Variants in DNM1 observed in about 807,000 individuals in gnomAD.
DNM1 encodes dynamin 1.
DNM1 carries 29 observed loss-of-function variants against 104.6 expected under a neutral mutation model. That is an observed-to-expected ratio of 0.28 (90% CI 0.21 to 0.38). DNM1 has a LOEUF of 0.38. Ranked by LOEUF, DNM1 falls within the 10% of genes least tolerant of loss-of-function variation. DNM1 has a pLI of 1.00. For missense variants in DNM1, 640 were observed against 1,189.4 expected, an observed-to-expected ratio of 0.54 and a Z score of 6.79; for synonymous variants, 445 against 475.8, an observed-to-expected ratio of 0.94 and a Z score of 0.84.
At chr9:128,252,747 T>C (rs1330156009) in intron 21 of DNM1, 31 of 565,830 alleles carry the variant, frequency 5.5e-5, no homozygotes, top group South Asian at 2.0e-4. Context: ...GGTGATCCTC[T>C]AAGCACACCA....
Position 128,203,594 on chromosome 9 carries a change from G to T in DNM1, c.124G>T (p.Ala42Ser), listed in dbSNP as rs770857641. 1.3e-6 allele frequency: 2 copies of T among 1,550,310 alleles called. No individual in the cohort carries two copies. The highest frequency in any genetic ancestry group is 1.7e-6 in the Non-Finnish European group (2 of 1,152,862). The change falls in exon 1 of 22, where the codon GCC (alanine) becomes TCC (serine). Residue 42 changes from alanine (A) to serine (S), a missense_variant. Ala to Ser is a moderately conservative substitution (Grantham distance 99, BLOSUM62 1). This residue lies in a region of DNM1 where 172 missense variants were observed against 335.3 expected (regional missense o/e 0.51). Coordinates refer to ENST00000372923, the MANE Select transcript of DNM1 (RefSeq NM_004408.4). The surrounding 1 kb of genome is among the most constrained non-coding windows in gnomAD (Gnocchi z 5.3). ...GATCGCTGTGGTGGGCGGCCAGAGC[G>T]CCGGCAAGAGCTCGGTGCTCGAGAA... ...PQIAVVGGQS[A>S]GKSSVLENFV...
chr9:128,231,911 A>C, intron 10 of DNM1: 1 of 429,408 alleles, frequency 2.3e-6, no homozygotes, highest in South Asian at 1.6e-5. Context: ...TGTGTCCCTG[A>C]CTGCTAACCC....
At chr9:128,226,945 C>T (rs1057298977) in intron 10 of DNM1, among the ~76,000 whole-genome samples, 2 of 150,876 alleles carry the variant, frequency 1.3e-5, no homozygotes, top group Non-Finnish European at 2.9e-5. Flanking sequence ...CTTCCCTATG[C>T]TGGTGGGTGG....
chr9:128,246,555 T>C, intron 16 of DNM1, 52 bp downstream of exon 16: 1 of 1,381,654 alleles, frequency 7.2e-7, no homozygotes, highest in Non-Finnish European at 1.0e-6. Flanking sequence ...CCACCCTCAC[T>C]GAGTAGAAGC....
intron 19 of DNM1, among the ~76,000 whole-genome samples, chr9:128,249,756 G>A (rs1203532305): frequency 6.6e-6 from 1 of 151,958 alleles, no homozygotes; most frequent in Non-Finnish European, 1.5e-5. Flanking sequence ...AGCCCAGGAG[G>A]TTGAGGCTAC....
intron 11 of DNM1, among the ~76,000 whole-genome samples, chr9:128,237,215 T>G (rs907545653): frequency 6.6e-6 from 1 of 151,916 alleles, no homozygotes; most frequent in African/African-American, 2.4e-5. Flanking sequence ...TGTTCACATT[T>G]AATCGTTTGC....
Position 128,222,909 on chromosome 9 carries a change from C to A in DNM1, c.1196+49C>A. The A allele has an allele frequency of 6.3e-7, 1 of 1,575,514 alleles. No homozygotes were observed. The highest frequency in any genetic ancestry group is 1.1e-5 in the South Asian group (1 of 90,186). ...TGGCTGAACCCCAGAAGTAGGGGGTCTGGGACAGAGGCACAGGGAGTGATG... is the reference window on the plus strand; with the variant it reads ...TGGCTGAACCCCAGAAGTAGGGGGTATGGGACAGAGGCACAGGGAGTGATG... On this transcript the variant is annotated intron_variant, in intron 9 of 21. Coordinates refer to ENST00000372923, the MANE Select transcript of DNM1 (RefSeq NM_004408.4). This position sits in a 1 kb window ranked among gnomAD's most constrained non-coding sequence, Gnocchi z 7.8.
intron 11 of DNM1, among the ~76,000 whole-genome samples, chr9:128,239,182 A>G (rs1447055378): frequency 6.6e-6 from 1 of 151,782 alleles, no homozygotes; most frequent in Non-Finnish European, 1.5e-5. Context: ...ATTTTTTGGT[A>G]GAGACAGGTC....
chr9:128,220,730 C>T lies in DNM1; in HGVS notation c.849+389C>T, dbSNP rs1226138215. On this transcript the variant is annotated intron_variant, in intron 6 of 21. Transcript: ENST00000372923. The surrounding 1 kb of genome is among the most constrained non-coding windows in gnomAD (Gnocchi z 5.2). The stretch of plus-strand genomic sequence containing the variant: ...GAATGGGGCATCCAGAACTGAAGTG[C>T]GCGCGCGCGCGCGTGTGTGTGTGTG... Among the ~76,000 whole-genome samples the T allele has an allele frequency of 1.3e-5, 1 of 78,338 alleles. No homozygotes were observed. The highest frequency in any genetic ancestry group is 2.3e-5 in the Non-Finnish European group (1 of 43,098). 51.4% of individuals were successfully genotyped at this position (78,338 alleles called of 152,430 possible).
chr9:128,253,769 C>T lies in DNM1; in HGVS notation c.2535-885C>T. 4.7e-6 allele frequency: 2 copies of T among 428,662 alleles called. No individual in the cohort carries two copies. The highest frequency in any genetic ancestry group is 3.8e-6 in the Non-Finnish European group (1 of 261,860). The allele number at this position is 428,662 out of a possible 1,614,324, so 26.6% of individuals were successfully genotyped here. A position where few individuals can be genotyped will look rare whatever the true frequency, so the allele number is the denominator to read the frequency against. On this transcript the variant is annotated intron_variant, in intron 21 of 21. Coordinates refer to ENST00000372923, the MANE Select transcript of DNM1 (RefSeq NM_004408.4). This position sits in a 1 kb window ranked among gnomAD's most constrained non-coding sequence, Gnocchi z 5.9. The stretch of plus-strand genomic sequence containing the variant: ...AGGCCAGGCAGGGACACACAGCCCC[C>T]TTCCCTCCCTCCCAGGTACCGTCAT...
intron 1 of DNM1, among the ~76,000 whole-genome samples, chr9:128,217,679 A>T (rs1247850129): frequency 1.3e-5 from 2 of 152,110 alleles, no homozygotes; most frequent in Non-Finnish European, 2.9e-5. Context: ...CAGCCTCCAA[A>T]GTGCTGGGAT....
At position 128,250,930 on chromosome 9, in the gene DNM1, G is replaced by A; in HGVS notation, c.2524G>A (p.Gly842Arg). ...VPSRPNRAPP[G>R]VPSRSGQASP... ...CTCGCGCCCCAACCGCGCCCCGCCC[G>A]GGGTCCCCAGGTGAGTAGGGGCTGA... is the stretch of plus-strand genomic sequence containing the variant. The change falls in exon 21 of 22, where the codon GGG becomes AGG. Residue 842 changes from glycine (G) to arginine (R), a missense_variant. Physicochemically the swap from Gly to Arg is moderately radical, Grantham distance 125. This residue lies in a region of DNM1 where 37 missense variants were observed against 35.6 expected (regional missense o/e 1.04). Coordinates refer to ENST00000372923, the MANE Select transcript of DNM1 (RefSeq NM_004408.4). 7.3e-7 allele frequency: 1 copy of A among 1,368,272 alleles called. No individual in the cohort carries two copies. The highest frequency in any genetic ancestry group is 9.5e-7 in the Non-Finnish European group (1 of 1,057,568). The allele number at this position is 1,368,272 out of a possible 1,614,324, so 84.8% of individuals were successfully genotyped here.
At chr9:128,246,881 G>A (rs1281408855) in intron 16 of DNM1, 2 of 278,972 alleles carry the variant, frequency 7.2e-6, no homozygotes, top group Non-Finnish European at 1.4e-5. Context: ...GCCAGGCACT[G>A]GAGCCAAAGG....
intron 21 of DNM1, chr9:128,252,636 G>C (rs1319647291): frequency 1.3e-4 from 54 of 415,660 alleles, no homozygotes; most frequent in Middle Eastern, 1.6e-3. Flanking sequence ...TTGACTTGTT[G>C]GGGCTCAATG....
In DNM1 at chr9:128,243,010, C is replaced by T. The variant is rs192099074; in HGVS notation, c.1671+665C>T. 1.3e-5 allele frequency among the ~76,000 whole-genome samples: 2 copies of T among 152,266 alleles called. No individual in the cohort carries two copies. The highest frequency in any genetic ancestry group is 2.9e-5 in the Non-Finnish European group (2 of 67,998). On this transcript the variant is annotated intron_variant, in intron 15 of 21. Transcript: ENST00000372923. The surrounding 1 kb of genome is among the most constrained non-coding windows in gnomAD (Gnocchi z 4.0). ...CCGCCTCCTCTGTGGCCCCCACAGG[C>T]CCATGACACACACAAGTCTAGCTGC... is the stretch of plus-strand genomic sequence containing the variant.
Position 128,243,390 on chromosome 9 carries a change from G to GT in DNM1, c.1671+1045_1671+1046insT, listed in dbSNP as rs747828418. Among the ~76,000 whole-genome samples the GT allele has an allele frequency of 7.0e-5, 9 of 129,430 alleles. No homozygotes were observed. The highest frequency in any genetic ancestry group is 5.3e-4 in the South Asian group (2 of 3,768). 84.9% of individuals were successfully genotyped at this position (129,430 alleles called of 152,430 possible). A position where few individuals can be genotyped will look rare whatever the true frequency, so the allele number is the denominator to read the frequency against. ...TGTTGGAGGCTACAGCATCCTCAAC[G>GT]GGGGAGCGGGGCTCTGGGTGGGGCC... On this transcript the variant is annotated intron_variant, in intron 15 of 21. Transcript: ENST00000372923. This position sits in a 1 kb window ranked among gnomAD's most constrained non-coding sequence, Gnocchi z 4.0.
Position 128,239,786 on chromosome 9 carries a change from G to T in DNM1, c.1545+7G>T. On this transcript the variant is annotated splice_region_variant and intron_variant, in intron 13 of 21. Coordinates refer to ENST00000372923, the MANE Select transcript of DNM1 (RefSeq NM_004408.4). ...GAAGACTTCAGGGAACCAGGTGAGT[G>T]GGGCCCAGCACCCCAGCCCGAGGGA... 6.2e-7 allele frequency: 1 copy of T among 1,613,282 alleles called. No individual in the cohort carries two copies. The highest frequency in any genetic ancestry group is 1.1e-5 in the South Asian group (1 of 91,016).
In DNM1 at chr9:128,218,971, C is replaced by A; in HGVS notation, c.386-78C>A. ...GCCACCCTGCTCCCAAGCAGCTTCTCTAACCCCGCCCTATTCTTTAACCTC... is the reference window on the plus strand; with the variant it reads ...GCCACCCTGCTCCCAAGCAGCTTCTATAACCCCGCCCTATTCTTTAACCTC... On this transcript the variant is annotated intron_variant, in intron 3 of 21. Coordinates refer to ENST00000372923, the MANE Select transcript of DNM1 (RefSeq NM_004408.4). This position sits in a 1 kb window ranked among gnomAD's most constrained non-coding sequence, Gnocchi z 4.8. The A allele has an allele frequency of 6.5e-7, 1 of 1,539,852 alleles. No individual in the cohort carries two copies. Among genetic ancestry groups the A allele is most frequent in the South Asian group, 1.1e-5 (1 of 88,162 alleles).
At chr9:128,233,286 C>A (rs1489080193) in intron 10 of DNM1, among the ~76,000 whole-genome samples, 1 of 152,206 alleles carries the variant, frequency 6.6e-6, no homozygotes, top group Non-Finnish European at 1.5e-5. Flanking sequence ...TGGTGCCGGG[C>A]AGGGGCATGC....
Sources: gnomAD v4.1 joint callset for allele counts (sites outside exome capture counted in the v4.1 genomes callset) on GRCh38, gnomAD v4.1.1 for gene constraint, gnomAD v4.1.1 regional missense constraint, Gnocchi (gnomAD v3.1) non-coding constraint, MANE v1.5 for transcripts, NCBI Gene and HGNC (gene_info 2026-07-23, HGNC 2026-07-21) for gene names.